The following ACSL1 variants were observed in gnomAD, a reference collection of about 807,000 sequenced individuals.
ACSL1 encodes long-chain-fatty-acid--CoA ligase 1.
ACSL1 carries 41 observed loss-of-function variants against 98.4 expected under a neutral mutation model. The ratio of observed to expected loss-of-function variants is 0.42; its 90% CI spans 0.32 to 0.54. The LOEUF is 0.54. Ranked by LOEUF, ACSL1 falls within the 20% of genes least tolerant of loss-of-function variation. The pLI is 0.13. For synonymous variants in ACSL1, 316 were observed against 322.7 expected, an observed-to-expected ratio of 0.98 and a Z score of 0.22; for missense variants, 734 against 883.1, an observed-to-expected ratio of 0.83 and a Z score of 2.14.
intron 1 of ACSL1, among the ~76,000 whole-genome samples, chr4:184,819,619 C>A (rs1772904930): frequency 6.6e-6 from 1 of 152,024 alleles, no homozygotes; most frequent in East Asian, 1.9e-4. Context: ...ACCCATTAAC[C>A]CCATGCCGCC....
intron 16 of ACSL1, 88 bp from the exon 17 acceptor site, chr4:184,762,611 G>T (rs539777971): frequency 1.7e-6 from 2 of 1,165,080 alleles, no homozygotes; most frequent in Admixed American, 1.8e-5. Flanking sequence ...GTGTGTGTCT[G>T]CCCCAACCTT....
At chr4:184,818,830 C>T (rs1772832263) in intron 1 of ACSL1, among the ~76,000 whole-genome samples, 1 of 152,130 alleles carries the variant, frequency 6.6e-6, no homozygotes, top group Admixed American at 6.5e-5. Flanking sequence ...ACCAACCAGC[C>T]AGAAAAGACA....
At chr4:184,777,699 A>G (rs915174274) in intron 5 of ACSL1, among the ~76,000 whole-genome samples, 1 of 152,168 alleles carries the variant, frequency 6.6e-6, no homozygotes, top group Admixed American at 6.5e-5. Flanking sequence ...TGACCCAGAG[A>G]TAAGAAAGCC....
In ACSL1 at chr4:184,788,745, A is replaced by C; in HGVS notation, c.196-14T>G. The C allele has an allele frequency of 6.2e-7, 1 of 1,609,510 alleles. No homozygotes were observed. ...ACCACCACTACCCTATCAAAAAAGA[A>C]AGGGGGGCAGGTTAGAAGGCAGTGA... On this transcript the variant is annotated splice_polypyrimidine_tract_variant and intron_variant, in intron 2 of 20. Transcript: ENST00000281455.
intron 17 of ACSL1, 59 bp downstream of exon 17, chr4:184,762,348 A>C: frequency 2.1e-6 from 3 of 1,414,186 alleles, no homozygotes; most frequent in Non-Finnish European, 3.0e-6. Context: ...AGTAGATAAG[A>C]CATTTTCTTC....
chr4:184,764,975 T>A (rs1306590999), intron 14 of ACSL1, 50 bp from the exon 15 acceptor site: 1 of 1,563,004 alleles, frequency 6.4e-7, no homozygotes, highest in East Asian at 2.3e-5. Flanking sequence ...AATCACACCT[T>A]TACTGGAAGT....
At chr4:184,780,522 G>T in intron 4 of ACSL1, 89 bp from the exon 5 acceptor site, 1 of 874,218 alleles carries the variant, frequency 1.1e-6, no homozygotes, top group Non-Finnish European at 1.9e-6. Flanking sequence ...ATCTCAGCCA[G>T]CAAGCAATGC....
chr4:184,812,296 T>C, intron 1 of ACSL1: 1 of 905,032 alleles, frequency 1.1e-6, no homozygotes, highest in Non-Finnish European at 1.3e-6. Flanking sequence ...ATCTACTGAG[T>C]CATGAATGAC....
chr4:184,807,215 G>C (rs1170501531), intron 1 of ACSL1, among the ~76,000 whole-genome samples: 1 of 152,236 alleles, frequency 6.6e-6, no homozygotes, highest in Non-Finnish European at 1.5e-5. Context: ...TCTTATTCCA[G>C]TAGTGTTCTG....
At chr4:184,811,445 A>C (rs532819913) in intron 1 of ACSL1, among the ~76,000 whole-genome samples, 46 of 152,286 alleles carry the variant, frequency 3.0e-4, no homozygotes, top group African/African-American at 1.0e-3. Flanking sequence ...ATTCAAACCC[A>C]GATTTCCAAC....
intron 2 of ACSL1, among the ~76,000 whole-genome samples, chr4:184,795,260 G>C (rs1010292091): frequency 1.3e-5 from 2 of 152,192 alleles, no homozygotes; most frequent in South Asian, 4.1e-4. Flanking sequence ...GCCTACGCTG[G>C]TCATTTTTCA....
intron 1 of ACSL1, among the ~76,000 whole-genome samples, chr4:184,814,061 CG>C (rs1373964008): frequency 6.6e-6 from 1 of 152,022 alleles, no homozygotes; most frequent in Non-Finnish European, 1.5e-5. Context: ...GAGGCCGAGG[CG>C]GGTGGATCAC....
At chr4:184,790,251 T>C (rs1312757918) in intron 2 of ACSL1, among the ~76,000 whole-genome samples, 14 of 152,246 alleles carry the variant, frequency 9.2e-5, no homozygotes, top group Admixed American at 9.2e-4. Flanking sequence ...CAAGCTCTTT[T>C]GCTTTTTGTC....
chr4:184,757,414 G>T lies in ACSL1; in HGVS notation c.1957-149C>A. 9.2e-7 allele frequency: 1 copy of T among 1,082,460 alleles called. No homozygotes were observed. The highest frequency in any genetic ancestry group is 1.6e-5 in the African/African-American group (1 of 62,840). 67.1% of individuals were successfully genotyped at this position (1,082,460 alleles called of 1,614,324 possible). A position where few individuals can be genotyped will look rare whatever the true frequency, so the allele number is the denominator to read the frequency against. On this transcript the variant is annotated intron_variant, in intron 20 of 20. Coordinates refer to ENST00000281455, the MANE Select transcript of ACSL1 (RefSeq NM_001995.5). The surrounding 1 kb of genome is among the most constrained non-coding windows in gnomAD (Gnocchi z 4.5). ...GCTGCACCTTCTCAACAAAGGACAGGCATCCTATTCTTAGGATAGGATTCG... is the reference window on the plus strand; with the variant it reads ...GCTGCACCTTCTCAACAAAGGACAGTCATCCTATTCTTAGGATAGGATTCG...
At chr4:184,818,871 G>A (rs1259293096) in intron 1 of ACSL1, among the ~76,000 whole-genome samples, 1 of 152,156 alleles carries the variant, frequency 6.6e-6, no homozygotes, top group East Asian at 1.9e-4. Flanking sequence ...GGGCTCCAAA[G>A]TTCCTCTACT....
At chr4:184,762,944 A>G (rs879226858) in intron 16 of ACSL1, among the ~76,000 whole-genome samples, 3 of 152,276 alleles carry the variant, frequency 2.0e-5, no homozygotes, top group East Asian at 3.9e-4. Context: ...CCAAATCCCT[A>G]TGAGGCCTGG....
Position 184,773,772 on chromosome 4 carries a change from G to C in ACSL1, c.790-58C>G. 1 of 1,609,116 alleles carries C rather than the reference G, an allele frequency of 6.2e-7. No homozygotes were observed. The highest frequency in any genetic ancestry group is 8.5e-7 in the Non-Finnish European group (1 of 1,178,240). On this transcript the variant is annotated intron_variant, in intron 8 of 20. Transcript: ENST00000281455. This position sits in a 1 kb window ranked among gnomAD's most constrained non-coding sequence, Gnocchi z 4.3. ...ATCAGAACAGAAAAGAGAACTATAA[G>C]CCACAAGGTACCAGGCTAGATATTG...
chr4:184,773,642 C>T lies in ACSL1; in HGVS notation c.841+21G>A. 6.2e-7 allele frequency: 1 copy of T among 1,606,364 alleles called. No individual in the cohort carries two copies. Among genetic ancestry groups the T allele is most frequent in the Non-Finnish European group, 8.5e-7 (1 of 1,176,978 alleles). On this transcript the variant is annotated intron_variant, in intron 9 of 20. Transcript: ENST00000281455. This position sits in a 1 kb window ranked among gnomAD's most constrained non-coding sequence, Gnocchi z 4.3. ...GACCAATGGCTGCCATATGTAGAAG[C>T]AATTCTATCTCAAAACTCACCTGTA...
At chr4:184,771,799 G>T (rs1764551908) in intron 10 of ACSL1, among the ~76,000 whole-genome samples, 1 of 152,062 alleles carries the variant, frequency 6.6e-6, no homozygotes, top group Admixed American at 6.5e-5. Context: ...ATAATAATGT[G>T]ACAATGGATG....
Sources: gnomAD v4.1 joint callset for allele counts (sites outside exome capture counted in the v4.1 genomes callset) on GRCh38, gnomAD v4.1.1 for gene constraint, Gnocchi (gnomAD v3.1) non-coding constraint, MANE v1.5 for transcripts, NCBI Gene and HGNC (gene_info 2026-07-23, HGNC 2026-07-21) for gene names.